Variants in CLEC16A observed in about 807,000 individuals in gnomAD.
CLEC16A encodes the protein C-type lectin domain containing 16A, also known as protein CLEC16A.
Under a neutral mutation model 109.5 loss-of-function variants are expected in CLEC16A, and 51 were observed. That is an observed-to-expected ratio of 0.47 (90% CI 0.37 to 0.59). CLEC16A has a LOEUF of 0.59. Ranked by LOEUF, CLEC16A falls within the 20% of genes least tolerant of loss-of-function variation. The pLI is 0.00. For synonymous variants in CLEC16A, 673 were observed against 564.2 expected (o/e 1.19, Z -2.73); for missense variants, 1,339 against 1,394.0 (o/e 0.96, Z 0.63).
intron 19 of CLEC16A, among the ~76,000 whole-genome samples, chr16:11,098,744 A>C (rs13339587): frequency 0.028 from 4,318 of 152,248 alleles, 208 homozygotes; most frequent in African/African-American, 0.098. Flanking sequence ...CAGCCTTTCC[A>C]GTTGCCTGCA....
intron 12 of CLEC16A, among the ~76,000 whole-genome samples, chr16:11,022,126 T>C (rs2046137369): frequency 6.6e-6 from 1 of 152,258 alleles, no homozygotes; most frequent in South Asian, 2.1e-4. Context: ...TCAGTTGCCT[T>C]GAGTTAGGCC....
chr16:11,000,738 C>T (rs2044622178), intron 10 of CLEC16A, among the ~76,000 whole-genome samples: 1 of 152,162 alleles, frequency 6.6e-6, no homozygotes, highest in South Asian at 2.1e-4. Flanking sequence ...GAATAATCCA[C>T]AGTGGGCAAA....
intron 23 of CLEC16A, among the ~76,000 whole-genome samples, chr16:11,173,693 A>T (rs2068620512): frequency 6.6e-6 from 1 of 152,060 alleles, no homozygotes; most frequent in African/African-American, 2.4e-5. Flanking sequence ...GTTTGATGCC[A>T]GTCCTCCAGC....
intron 10 of CLEC16A, among the ~76,000 whole-genome samples, chr16:10,997,644 A>T (rs924751935): frequency 2.6e-5 from 4 of 152,364 alleles, no homozygotes; most frequent in Non-Finnish European, 4.4e-5. Flanking sequence ...GTAATATCTA[A>T]ATAGTGCTGG....
At chr16:11,015,505 G>A (rs997157310) in intron 11 of CLEC16A, among the ~76,000 whole-genome samples, 8 of 152,202 alleles carry the variant, frequency 5.3e-5, no homozygotes, top group Admixed American at 1.3e-4. Context: ...GGGGCCTCAT[G>A]GAGTGCACGA....
At chr16:11,043,511 A>G (rs1399104441) in intron 15 of CLEC16A, among the ~76,000 whole-genome samples, 1 of 152,176 alleles carries the variant, frequency 6.6e-6, no homozygotes, top group East Asian at 1.9e-4. Context: ...CAATCGAATT[A>G]CCTATCCTTT....
chr16:11,065,913 A>G (rs2152916375), intron 19 of CLEC16A, among the ~76,000 whole-genome samples: 2 of 152,334 alleles, frequency 1.3e-5, no homozygotes. Flanking sequence ...TCTCAACTAC[A>G]GGGCTTTCTC....
At chr16:11,156,926 C>T (rs1415355637) in intron 22 of CLEC16A, among the ~76,000 whole-genome samples, 2 of 132,692 alleles carry the variant, frequency 1.5e-5, no homozygotes, top group East Asian at 5.6e-4. Context: ...CGCCCCCCCC[C>T]CCACCCACCC....
chr16:11,105,831 C>T (rs773848384), intron 19 of CLEC16A, among the ~76,000 whole-genome samples: 70 of 152,206 alleles, frequency 4.6e-4, no homozygotes, highest in Non-Finnish European at 9.0e-4. Flanking sequence ...CTGAGTGAGC[C>T]AGTGACAGAT....
intron 18 of CLEC16A, among the ~76,000 whole-genome samples, chr16:11,059,443 A>G (rs531513443): frequency 6.6e-6 from 1 of 152,328 alleles, no homozygotes; most frequent in African/African-American, 2.4e-5. Flanking sequence ...CAGTTCCAAC[A>G]TTAGGAAGTT....
chr16:11,088,828 T>A (rs2050150548), intron 19 of CLEC16A, among the ~76,000 whole-genome samples: 2 of 152,166 alleles, frequency 1.3e-5, no homozygotes. Context: ...GGTCCTGCCG[T>A]TGAGTTAGTA....
chr16:11,052,633 C>G (rs999157778), intron 18 of CLEC16A, among the ~76,000 whole-genome samples: 4 of 152,174 alleles, frequency 2.6e-5, no homozygotes, highest in African/African-American at 9.6e-5. Context: ...CATGTCCTCC[C>G]TGCCAGGCAC....
At chr16:11,095,073 A>C (rs12919083) in intron 19 of CLEC16A, among the ~76,000 whole-genome samples, 53,387 of 151,030 alleles carry the variant, frequency 0.35, 9,450 homozygotes, top group African/African-American at 0.41. Flanking sequence ...TTATTTGAAC[A>C]GTTGCTAATC....
In CLEC16A at chr16:11,014,804, C is replaced by G. The variant is rs541307617; in HGVS notation, c.1304-5389C>G. 3.3e-5 allele frequency among the ~76,000 whole-genome samples: 5 copies of G among 152,312 alleles called. No individual in the cohort carries two copies. The South Asian group carries it at 1.0e-3, about 32-fold the overall frequency. ...TGGCGCCCGCACCTTGGGAGGGAGGCTGGCCAGTGACAACAGGGACAATTG... is the reference window on the plus strand; with the variant it reads ...TGGCGCCCGCACCTTGGGAGGGAGGGTGGCCAGTGACAACAGGGACAATTG... On this transcript the variant is annotated intron_variant, in intron 11 of 23. Transcript: ENST00000409790.
intron 23 of CLEC16A, among the ~76,000 whole-genome samples, chr16:11,170,941 G>T (rs1160729893): frequency 6.6e-6 from 1 of 152,162 alleles, no homozygotes; most frequent in African/African-American, 2.4e-5. Flanking sequence ...GACAGCCGGG[G>T]GATGAGGGGT....
intron 19 of CLEC16A, among the ~76,000 whole-genome samples, chr16:11,100,234 G>T (rs1227052018): frequency 1.4e-4 from 21 of 152,168 alleles, no homozygotes; most frequent in South Asian, 6.2e-4. Flanking sequence ...TCAGCAATTT[G>T]GAGCCTGGGC....
In CLEC16A at chr16:10,962,501, C is replaced by G. The variant is rs377731704; in HGVS notation, c.256C>G (p.Arg86Gly). 2 of 1,613,874 alleles carry G rather than the reference C, an allele frequency of 1.2e-6. No homozygotes were observed. Among genetic ancestry groups the G allele is most frequent in the South Asian group, 2.2e-5 (2 of 91,078 alleles). ...GTTTGTTTTCTTCTTGAACATCTTG[C>G]GGCAAAAGTCGGGCCGTTACGTGTG... is the stretch of plus-strand genomic sequence containing the variant. ...NMFVFFLNIL[R>G]QKSGRYVCVQ... The change falls in exon 3 of 24, where the codon CGG becomes GGG. Residue 86 changes from arginine to glycine, a missense_variant. Around this residue, in one of 3 missense-constraint regions of CLEC16A, gnomAD observed 117 missense variants for 120.2 expected, o/e 0.97. Transcript: ENST00000409790.
At chr16:10,975,836 A>T (rs1044940438) in intron 7 of CLEC16A, among the ~76,000 whole-genome samples, 3 of 151,984 alleles carry the variant, frequency 2.0e-5, no homozygotes, top group African/African-American at 7.2e-5. Context: ...TATTTTTAGT[A>T]GAGACGGGTT....
chr16:11,118,540 CTGTCT>C (rs2052173208), intron 19 of CLEC16A, among the ~76,000 whole-genome samples: 1 of 152,192 alleles, frequency 6.6e-6, no homozygotes, highest in South Asian at 2.1e-4. Context: ...TCTTGCTTTA[CTGTCT>C]TTACTTAATT....
Sources: gnomAD v4.1 joint callset for allele counts (sites outside exome capture counted in the v4.1 genomes callset) on GRCh38, gnomAD v4.1.1 for gene constraint, gnomAD v4.1.1 regional missense constraint, MANE v1.5 for transcripts, NCBI Gene and HGNC (gene_info 2026-07-23, HGNC 2026-07-21) for gene names.